DNM3: variants seen among roughly 807,000 people sequenced by gnomAD.
DNM3 encodes the protein dynamin 3.
A neutral mutation model predicts 101.6 loss-of-function variants in DNM3; 47 were observed. The observed-to-expected ratio is 0.46, with a 90% CI of 0.37 to 0.59. DNM3 has a LOEUF of 0.59. Ranked by LOEUF, DNM3 falls within the 20% of genes least tolerant of loss-of-function variation. The pLI is 0.00. For missense variants in DNM3, 849 were observed against 1,085.7 expected, an observed-to-expected ratio of 0.78 and a Z score of 3.06; for synonymous variants, 385 against 387.9, an observed-to-expected ratio of 0.99 and a Z score of 0.09.
intron 14 of DNM3, among the ~76,000 whole-genome samples, chr1:172,169,264 C>A (rs1472474837): frequency 6.6e-6 from 1 of 151,850 alleles, no homozygotes; most frequent in Non-Finnish European, 1.5e-5. Flanking sequence ...AGTTTGGGTA[C>A]TCTCAGAGCT....
At chr1:172,215,487 GT>G (rs1394605502) in intron 14 of DNM3, among the ~76,000 whole-genome samples, 1 of 151,996 alleles carries the variant, frequency 6.6e-6, no homozygotes, top group Non-Finnish European at 1.5e-5. Flanking sequence ...TCAAGCTCCA[GT>G]CTTTATTATG....
At chr1:172,045,394 C>A (rs1272820451) in intron 9 of DNM3, among the ~76,000 whole-genome samples, 2 of 152,104 alleles carry the variant, frequency 1.3e-5, no homozygotes, top group Admixed American at 1.3e-4. Flanking sequence ...CTGGCCTGCA[C>A]AGTGCTGTCT....
intron 1 of DNM3, among the ~76,000 whole-genome samples, chr1:171,865,166 ATAAC>A (rs1274243382): frequency 7.9e-5 from 12 of 152,082 alleles, no homozygotes; most frequent in Non-Finnish European, 1.8e-4. Context: ...ATTCTTTTCT[ATAAC>A]TATTTATGGA....
chr1:172,359,435 AT>A (rs910520662), intron 17 of DNM3, among the ~76,000 whole-genome samples: 3 of 151,676 alleles, frequency 2.0e-5, no homozygotes, highest in African/African-American at 4.8e-5. Context: ...AATCTTGAAG[AT>A]TTTTTTTGTC....
chr1:172,113,620 C>CAAAAA (rs34129992), intron 13 of DNM3, among the ~76,000 whole-genome samples: 155 of 52,092 alleles, frequency 3.0e-3, no homozygotes, highest in East Asian at 5.9e-3. Flanking sequence ...AACTCTGTCT[C>CAAAAA]AAAAAAAAAA....
At chr1:172,355,434 G>A (rs181391573) in intron 17 of DNM3, among the ~76,000 whole-genome samples, 1 of 152,140 alleles carries the variant, frequency 6.6e-6, no homozygotes, top group Non-Finnish European at 1.5e-5. Flanking sequence ...TGCAGTTATT[G>A]AAATTAAAAT....
Position 172,308,726 on chromosome 1 carries a change from A to C in DNM3, c.1770-2A>C. 1 of 1,537,622 alleles carries C rather than the reference A, an allele frequency of 6.5e-7. No homozygotes were observed. Among genetic ancestry groups the C allele is most frequent in the Non-Finnish European group, 8.8e-7 (1 of 1,142,174 alleles). On this transcript the variant is annotated splice_acceptor_variant, in intron 15 of 20. Coordinates refer to ENST00000627582, the MANE Select transcript of DNM3 (RefSeq NM_015569.5). LOFTEE classifies it high-confidence loss of function. The stretch of plus-strand genomic sequence containing the variant: ...CATGATTTTTTTTTTTTTTAACTCC[A>C]GGAATGTATACAAAGACTATCGCTT...
intron 13 of DNM3, 50 bp from the exon 14 acceptor site, chr1:172,131,125 A>C (rs759329850): frequency 6.6e-7 from 1 of 1,512,280 alleles, no homozygotes; most frequent in Non-Finnish European, 9.2e-7. Context: ...TCTAATCTCC[A>C]GTGGCTTTTG....
intron 20 of DNM3, among the ~76,000 whole-genome samples, chr1:172,399,375 A>C (rs1558092131): frequency 6.6e-6 from 1 of 152,216 alleles, no homozygotes. Context: ...TGACATGTTC[A>C]GAGGAAAAGA....
chr1:172,320,838 C>T (rs1215382834), intron 16 of DNM3, among the ~76,000 whole-genome samples: 7 of 152,114 alleles, frequency 4.6e-5, no homozygotes, highest in Non-Finnish European at 5.9e-5. Flanking sequence ...CTCAGATGCG[C>T]GCCTACTGGT....
At position 172,387,608 on chromosome 1, in the gene DNM3, G is replaced by A. The variant is rs181223090; in HGVS notation, c.2285+249G>A. On this transcript the variant is annotated intron_variant, in intron 19 of 20. Transcript: ENST00000627582. ...CGGGAGGCAGAGCTTGCAGTGAGCC[G>A]AGATCGTGCACTGCACTCCAGCCTG... Among the ~76,000 whole-genome samples the A allele has an allele frequency of 3.6e-3, 538 of 151,470 alleles. 3 individuals are homozygous for A. The highest frequency in any genetic ancestry group is 7.3e-3 in the Admixed American group (111 of 15,226).
chr1:172,025,711 G>A (rs551390631), intron 4 of DNM3, among the ~76,000 whole-genome samples: 5 of 152,314 alleles, frequency 3.3e-5, no homozygotes, highest in Non-Finnish European at 7.3e-5. Flanking sequence ...CAGCAGAGGG[G>A]CCTGACCGTT....
chr1:172,131,745 G>A (rs530900842), intron 14 of DNM3: 13 of 329,598 alleles, frequency 3.9e-5, no homozygotes, highest in African/African-American at 2.0e-4. Flanking sequence ...TTTTAAGAAC[G>A]TCCACATCGC....
intron 15 of DNM3, among the ~76,000 whole-genome samples, chr1:172,299,729 G>A (rs2064347077): frequency 6.6e-6 from 1 of 152,056 alleles, no homozygotes; most frequent in African/African-American, 2.4e-5. Context: ...CTTTTTATGG[G>A]CTGCATAGTA....
Position 172,417,907 on chromosome 1 carries a change from G to C in DNM3, c.2541-374G>C, listed in dbSNP as rs554790354. ...AAATAACTGAGTTTCACAAAATCAG[G>C]GTTGAAAATCAAATATACAAGTTAT... On this transcript the variant is annotated intron_variant, in intron 20 of 20. Transcript: ENST00000485254. Among the ~76,000 whole-genome samples, 17 of 152,242 alleles carry C rather than the reference G, an allele frequency of 1.1e-4. No homozygotes were observed. In the East Asian group the frequency reaches 2.7e-3, roughly 24 times the overall value.
chr1:171,842,285 C>T (rs1175386085), intron 1 of DNM3, among the ~76,000 whole-genome samples: 1 of 152,174 alleles, frequency 6.6e-6, no homozygotes, highest in African/African-American at 2.4e-5. Context: ...GGGGCTTTAT[C>T]CCCCGAGCCC....
rs189010744 is a variant in DNM3, at chr1:172,302,383, G to A, written c.1770-6345G>A. Reference sequence around the variant, plus strand: ...AGCAGCTGGGAAGCTTGAAGTGGGCGCAGCCCACTGCAGCTCAGCAAGGCC... The same window carrying A: ...AGCAGCTGGGAAGCTTGAAGTGGGCACAGCCCACTGCAGCTCAGCAAGGCC... On this transcript the variant is annotated intron_variant, in intron 15 of 20. Transcript: ENST00000627582. Among the ~76,000 whole-genome samples, 166 of 152,318 alleles carry A rather than the reference G, an allele frequency of 1.1e-3. 3 individuals are homozygous for A. The highest frequency in any genetic ancestry group is 0.01 in the Admixed American group (155 of 15,310).
intron 15 of DNM3, among the ~76,000 whole-genome samples, chr1:172,266,191 G>GT (rs1283790638): frequency 1.3e-5 from 2 of 152,080 alleles, no homozygotes; most frequent in African/African-American, 4.8e-5. Flanking sequence ...TTAGAGTCAG[G>GT]TTGTTCATTT....
chr1:172,306,250 C>T (rs2064804328), intron 15 of DNM3, among the ~76,000 whole-genome samples: 1 of 151,412 alleles, frequency 6.6e-6, no homozygotes, highest in Non-Finnish European at 1.5e-5. Flanking sequence ...AGAGAAACAG[C>T]CAAATCATGA....
Sources: allele counts gnomAD v4.1 joint callset (sites outside exome capture counted in the v4.1 genomes callset), GRCh38; gene constraint gnomAD v4.1.1; transcripts MANE v1.5; gene names NCBI Gene and HGNC (gene_info 2026-07-23, HGNC 2026-07-21).